Variants in MGAT5 observed in about 807,000 individuals in gnomAD.
The protein encoded by MGAT5 is alpha-1,6-mannosylglycoprotein 6-beta-N-acetylglucosaminyltransferase A.
In MGAT5, 30 loss-of-function variants were observed where a neutral mutation model predicts 94.3. The observed-to-expected ratio is 0.32, with a 90% CI of 0.24 to 0.43. The LOEUF (loss-of-function observed/expected upper bound fraction) is 0.43, where lower values mean the gene tolerates loss of function less well. MGAT5 is among the 20% of genes least tolerant of loss of function. MGAT5 has a pLI of 1.00. For missense variants in MGAT5, 691 were observed against 905.5 expected (o/e 0.76, Z 3.04); for synonymous variants, 310 against 322.9 (o/e 0.96, Z 0.43).
chr2:134,183,595 G>A (rs2105186052), intron 1 of MGAT5, among the ~76,000 whole-genome samples: 1 of 152,370 alleles, frequency 6.6e-6, no homozygotes, highest in South Asian at 2.1e-4. Flanking sequence ...CTGTTTAATA[G>A]TTGAAGTTTG....
chr2:134,169,413 G>GACACACACAC (rs71660291), intron 1 of MGAT5, among the ~76,000 whole-genome samples: 3 of 126,866 alleles, frequency 2.4e-5, no homozygotes, highest in South Asian at 2.6e-4. Flanking sequence ...CACACACACA[G>GACACACACAC]ACACACACAC....
At chr2:134,188,712 A>C (rs920567141) in intron 1 of MGAT5, among the ~76,000 whole-genome samples, 12 of 152,076 alleles carry the variant, frequency 7.9e-5, no homozygotes, top group Non-Finnish European at 1.8e-4. Flanking sequence ...ACTACAATAT[A>C]ATTCTATTGT....
intron 9 of MGAT5, among the ~76,000 whole-genome samples, chr2:134,356,266 G>C (rs1175751837): frequency 6.6e-6 from 1 of 152,098 alleles, no homozygotes; most frequent in Non-Finnish European, 1.5e-5. Context: ...GGGGATTCTG[G>C]AGGTGTTTAG....
chr2:134,337,606 A>C (rs747064648), intron 5 of MGAT5, among the ~76,000 whole-genome samples: 1 of 152,200 alleles, frequency 6.6e-6, no homozygotes, highest in Non-Finnish European at 1.5e-5. Context: ...TATTATTCCA[A>C]TCACTCGTTG....
chr2:134,448,104 G>A (rs1020358903), intron 15 of MGAT5, among the ~76,000 whole-genome samples: 1 of 152,248 alleles, frequency 6.6e-6, no homozygotes, highest in African/African-American at 2.4e-5. Context: ...GAACGTAAAT[G>A]ATGCTGAGCT....
intron 15 of MGAT5, among the ~76,000 whole-genome samples, chr2:134,447,083 G>A (rs765642238): frequency 4.6e-5 from 7 of 152,054 alleles, no homozygotes; most frequent in Non-Finnish European, 1.0e-4. Flanking sequence ...ACGCATGCAC[G>A]CACACAAATG....
chr2:134,215,347 T>C (rs1680428306), intron 1 of MGAT5, among the ~76,000 whole-genome samples: 1 of 152,156 alleles, frequency 6.6e-6, no homozygotes, highest in Non-Finnish European at 1.5e-5. Flanking sequence ...ACTGGATAGC[T>C]TATAAAGAAA....
In MGAT5 at chr2:134,425,857, C is replaced by T. The variant is rs1337507601; in HGVS notation, c.1795-2508C>T. 6.0e-5 allele frequency among the ~76,000 whole-genome samples: 9 copies of T among 151,256 alleles called. No homozygotes were observed. In the East Asian group the frequency reaches 1.6e-3, roughly 26 times the overall value. The stretch of plus-strand genomic sequence containing the variant: ...GGAACTTCACAGTGCAATCTGTAGG[C>T]ATCCTTCCTGTGGCCCTCGCCATAT... On this transcript the variant is annotated intron_variant, in intron 13 of 15. Coordinates refer to ENST00000281923, the MANE Select transcript of MGAT5 (RefSeq NM_002410.5).
intron 1 of MGAT5, among the ~76,000 whole-genome samples, chr2:134,207,493 C>T (rs770090712): frequency 6.6e-6 from 1 of 151,844 alleles, no homozygotes; most frequent in African/African-American, 2.4e-5. Flanking sequence ...TTGCCTGAGC[C>T]AGCCAGACTT....
At chr2:134,138,911 G>A (rs757730957) in intron 1 of MGAT5, among the ~76,000 whole-genome samples, 1 of 152,150 alleles carries the variant, frequency 6.6e-6, no homozygotes, top group Non-Finnish European at 1.5e-5. Flanking sequence ...CTACTGATAA[G>A]GTACAGATTG....
chr2:134,159,610 GA>G (rs1558962811), intron 1 of MGAT5, among the ~76,000 whole-genome samples: 1 of 152,170 alleles, frequency 6.6e-6, no homozygotes, highest in African/African-American at 2.4e-5. Flanking sequence ...AGGCTTTTGG[GA>G]GGCTGAGGCA....
At chr2:134,287,861 A>C (rs62167966) in intron 2 of MGAT5, among the ~76,000 whole-genome samples, 23,623 of 152,232 alleles carry the variant, frequency 0.16, 1,965 homozygotes, top group Middle Eastern at 0.35. Flanking sequence ...TCTGATCAAT[A>C]ATGTATGAAT....
At chr2:134,264,015 A>AG in intron 1 of MGAT5, among the ~76,000 whole-genome samples, 1 of 124,748 alleles carries the variant, frequency 8.0e-6, no homozygotes, top group African/African-American at 3.4e-5. Context: ...TTATGCCATT[A>AG]GGTTTTTTTT....
intron 1 of MGAT5, among the ~76,000 whole-genome samples, chr2:134,162,867 A>G (rs1459982361): frequency 6.6e-6 from 1 of 152,194 alleles, no homozygotes; most frequent in East Asian, 1.9e-4. Context: ...AGGTTTAGAG[A>G]TGTTAAGTGC....
At chr2:134,356,550 AG>A (rs998916555) in intron 9 of MGAT5, among the ~76,000 whole-genome samples, 16 of 152,262 alleles carry the variant, frequency 1.1e-4, no homozygotes, top group African/African-American at 3.9e-4. Context: ...TGGAGTCAGG[AG>A]GTACGCAAAA....
At chr2:134,410,399 T>C (rs909423833) in intron 11 of MGAT5, among the ~76,000 whole-genome samples, 2 of 152,238 alleles carry the variant, frequency 1.3e-5, no homozygotes, top group African/African-American at 4.8e-5. Flanking sequence ...TATTTTGGTG[T>C]TTCCAAGTAA....
At chr2:134,421,902 T>TG (rs1684318205) in intron 12 of MGAT5, among the ~76,000 whole-genome samples, 1 of 152,130 alleles carries the variant, frequency 6.6e-6, no homozygotes, top group African/African-American at 2.4e-5. Context: ...GCACAGTGGC[T>TG]TGTGCCTGTA....
At chr2:134,120,056 C>T (rs1685487450), upstream of MGAT5, 1 of 152,782 alleles carries the variant, frequency 6.5e-6, no homozygotes, top group Non-Finnish European at 1.5e-5. Flanking sequence ...TCTGCTGCGT[C>T]TCGGGGCTGA....
intron 1 of MGAT5, among the ~76,000 whole-genome samples, chr2:134,160,319 G>A (rs547728892): frequency 1.2e-4 from 18 of 152,280 alleles, no homozygotes; most frequent in African/African-American, 4.1e-4. Flanking sequence ...GACTACAGGC[G>A]CCTGCCACCA....
Sources: gnomAD v4.1 joint callset for allele counts (sites outside exome capture counted in the v4.1 genomes callset) on GRCh38, gnomAD v4.1.1 for gene constraint, MANE v1.5 for transcripts, NCBI Gene and HGNC (gene_info 2026-07-23, HGNC 2026-07-21) for gene names.